PRKCA: variants seen among roughly 807,000 people sequenced by gnomAD.
PRKCA encodes the protein protein kinase C alpha, also known as protein kinase C alpha type.
PRKCA carries 27 observed loss-of-function variants against 87.0 expected under a neutral mutation model. The ratio of observed to expected loss-of-function variants is 0.31; its 90% CI spans 0.23 to 0.43. The LOEUF is 0.43. Among genes scored for constraint, PRKCA ranks in the 20% least tolerant of loss-of-function variants. The pLI is 1.00. For missense variants in PRKCA, 518 were observed against 852.3 expected (o/e 0.61, Z 4.88); for synonymous variants, 329 against 311.1 (o/e 1.06, Z -0.61).
At chr17:66,542,354 GT>G (rs898898607) in intron 3 of PRKCA, among the ~76,000 whole-genome samples, 4 of 152,132 alleles carry the variant, frequency 2.6e-5, no homozygotes, top group African/African-American at 7.2e-5. Flanking sequence ...CCTGTGTGTG[GT>G]TGGGAGATAG....
At chr17:66,680,025 C>T (rs1381968714) in intron 5 of PRKCA, among the ~76,000 whole-genome samples, 1 of 152,130 alleles carries the variant, frequency 6.6e-6, no homozygotes, top group Non-Finnish European at 1.5e-5. Context: ...TCTCTGGGTT[C>T]GAAGTCATTT....
At chr17:66,443,565 A>T (rs1052863932) in intron 2 of PRKCA, among the ~76,000 whole-genome samples, 2 of 152,176 alleles carry the variant, frequency 1.3e-5, no homozygotes, top group African/African-American at 4.8e-5. Flanking sequence ...AATGTCTGTT[A>T]TGGTGAGTGA....
At chr17:66,485,473 T>G (rs1915956342) in intron 2 of PRKCA, among the ~76,000 whole-genome samples, 1 of 152,206 alleles carries the variant, frequency 6.6e-6, no homozygotes, top group Admixed American at 6.5e-5. Flanking sequence ...ATCCATGCTG[T>G]GAGAGCTCAT....
intron 2 of PRKCA, chr17:66,415,150 A>G (rs983782745): frequency 1.3e-5 from 2 of 152,286 alleles, no homozygotes; most frequent in East Asian, 1.9e-4. Flanking sequence ...CAGCTTGTCT[A>G]TATTTCATAG....
intron 2 of PRKCA, among the ~76,000 whole-genome samples, chr17:66,337,560 T>G (rs982329775): frequency 9.2e-5 from 14 of 152,034 alleles, no homozygotes; most frequent in Non-Finnish European, 1.8e-4. Flanking sequence ...CAGCTATTTT[T>G]TTTTTTTAAG....
At chr17:66,682,537 C>T (rs189833273) in intron 5 of PRKCA, among the ~76,000 whole-genome samples, 15 of 152,362 alleles carry the variant, frequency 9.8e-5, no homozygotes, top group Admixed American at 7.2e-4. Flanking sequence ...CCCATTTGGG[C>T]AGACCTCGGG....
intron 2 of PRKCA, among the ~76,000 whole-genome samples, chr17:66,423,008 G>A (rs931831708): frequency 6.6e-6 from 1 of 152,160 alleles, no homozygotes; most frequent in East Asian, 1.9e-4. Context: ...CTACTCGGGA[G>A]GCTGAGGCAG....
intron 2 of PRKCA, among the ~76,000 whole-genome samples, chr17:66,334,346 A>G (rs1598598497): frequency 6.6e-6 from 1 of 152,202 alleles, no homozygotes; most frequent in African/African-American, 2.4e-5. Flanking sequence ...ATCTTTTGTT[A>G]TACTCTTCTG....
chr17:66,334,919 C>T (rs8081834), intron 2 of PRKCA, among the ~76,000 whole-genome samples: 56,294 of 151,908 alleles, frequency 0.37, 10,587 homozygotes, highest in Middle Eastern at 0.54. Flanking sequence ...ATTATTGAGC[C>T]TTAAACAGGA....
chr17:66,739,993 C>T (rs1286343354), intron 11 of PRKCA, among the ~76,000 whole-genome samples: 1 of 151,996 alleles, frequency 6.6e-6, no homozygotes, highest in Non-Finnish European at 1.5e-5. Context: ...GTAGTTAGGG[C>T]TAGACCTTGG....
At chr17:66,583,925 A>C (rs1016978473) in intron 3 of PRKCA, among the ~76,000 whole-genome samples, 1 of 152,130 alleles carries the variant, frequency 6.6e-6, no homozygotes, top group Admixed American at 6.5e-5. Context: ...ATTCTAAGAC[A>C]CTGGTAACAC....
chr17:66,748,197 A>G (rs1974342862), intron 13 of PRKCA, among the ~76,000 whole-genome samples: 1 of 152,224 alleles, frequency 6.6e-6, no homozygotes, highest in Non-Finnish European at 1.5e-5. Context: ...CAGAGAGCTG[A>G]AGAGCCATTC....
chr17:66,563,947 CTTCTTTCCTTCCT>C (rs1968793114), intron 3 of PRKCA, among the ~76,000 whole-genome samples: 1 of 139,302 alleles, frequency 7.2e-6, no homozygotes, highest in Non-Finnish European at 1.5e-5. Flanking sequence ...GTACTTGTTT[CTTCTTTCCTTCCT>C]TCCTTCCTTC....
intron 5 of PRKCA, among the ~76,000 whole-genome samples, chr17:66,650,292 TTGGTGG>T (rs1412210221): frequency 2.0e-5 from 3 of 152,134 alleles, no homozygotes; most frequent in African/African-American, 7.2e-5. Flanking sequence ...GCCCCGAGCT[TTGGTGG>T]TGTATTTTTA....
intron 3 of PRKCA, among the ~76,000 whole-genome samples, chr17:66,604,074 A>C (rs1005277057): frequency 3.3e-5 from 5 of 152,126 alleles, no homozygotes; most frequent in Non-Finnish European, 5.9e-5. Flanking sequence ...CCTCTCCATC[A>C]GTTCCCGGCT....
chr17:66,638,350 A>G (rs1971200653), intron 3 of PRKCA: 1 of 152,068 alleles, frequency 6.6e-6, no homozygotes, highest in Non-Finnish European at 1.5e-5. Flanking sequence ...ATCACGTGCA[A>G]ATATGTGAAC....
At chr17:66,369,118 A>G (rs901157136) in intron 2 of PRKCA, among the ~76,000 whole-genome samples, 1 of 152,228 alleles carries the variant, frequency 6.6e-6, no homozygotes, top group African/African-American at 2.4e-5. Flanking sequence ...AATTCAGATA[A>G]TACAGCTTAT....
intron 2 of PRKCA, among the ~76,000 whole-genome samples, chr17:66,404,917 T>C (rs1036234295): frequency 6.6e-6 from 1 of 151,710 alleles, no homozygotes; most frequent in Admixed American, 6.6e-5. Flanking sequence ...GCCCGGCTAA[T>C]TTTTGTGTTT....
intron 3 of PRKCA, among the ~76,000 whole-genome samples, chr17:66,552,072 C>G (rs1180731824): frequency 6.6e-6 from 1 of 152,062 alleles, no homozygotes; most frequent in Non-Finnish European, 1.5e-5. Context: ...CCAAGGTGGG[C>G]AGATCACTTG....
Sources: allele counts gnomAD v4.1 joint callset (sites outside exome capture counted in the v4.1 genomes callset), GRCh38; gene constraint gnomAD v4.1.1; transcripts MANE v1.5; gene names NCBI Gene and HGNC (gene_info 2026-07-23, HGNC 2026-07-21).